Variants in PRODH2 observed in about 807,000 individuals in gnomAD.
PRODH2 encodes hydroxyproline dehydrogenase.
In PRODH2, 49 loss-of-function variants were observed where a neutral mutation model predicts 51.9. The ratio of observed to expected loss-of-function variants is 0.94; its 90% CI spans 0.75 to 1.20. The LOEUF (loss-of-function observed/expected upper bound fraction) is 1.20, where lower values mean the gene tolerates loss of function less well. PRODH2 is among the 50% of genes most tolerant of loss of function. The pLI is 0.00. For synonymous variants in PRODH2, 249 were observed against 260.7 expected (o/e 0.96, Z 0.43); for missense variants, 597 against 610.9 (o/e 0.98, Z 0.24).
chr19:35,805,032 A>G (rs1213487087), intron 7 of PRODH2, among the ~76,000 whole-genome samples: 1 of 152,182 alleles, frequency 6.6e-6, no homozygotes, highest in African/African-American at 2.4e-5. Context: ...GCAAATCCAC[A>G]GAGACAAAAA....
In PRODH2 at chr19:35,812,569, G is replaced by A. The variant is rs1972632848; in HGVS notation, c.175-13C>T. On this transcript the variant is annotated splice_polypyrimidine_tract_variant and intron_variant, in intron 1 of 9. Transcript: ENST00000653904. ...ACCAGGCCTGGAGCTGGGTGACAGG[G>A]AGCGAGGGCTCAGCGCCAGGCTATG... 5 of 1,612,234 alleles carry A rather than the reference G, an allele frequency of 3.1e-6. No homozygotes were observed. Among genetic ancestry groups the A allele is most frequent in the Non-Finnish European group, 4.2e-6 (5 of 1,178,778 alleles).
intron 4 of PRODH2, among the ~76,000 whole-genome samples, chr19:35,807,740 C>T (rs975511667): frequency 2.6e-5 from 4 of 152,102 alleles, no homozygotes; most frequent in Admixed American, 2.0e-4. Flanking sequence ...ACTTCTTTTC[C>T]TCTTCCTCAG....
At chr19:35,808,814 T>C (rs200703277) in intron 4 of PRODH2, among the ~76,000 whole-genome samples, 1 of 125,966 alleles carries the variant, frequency 7.9e-6, no homozygotes, top group South Asian at 2.4e-4. Flanking sequence ...CCTTCCTTCT[T>C]TTTTTTTTTT....
Position 35,803,050 on chromosome 19 carries a change from T to A in PRODH2, c.1030A>T (p.Thr344Ser). Residue 344 changes from threonine (T) to serine (S), a missense_variant, in exon 8 of 10, where the codon ACG becomes TCG. Coordinates refer to ENST00000653904, the MANE Select transcript of PRODH2 (RefSeq NM_021232.2). ...SYSRCLELML[T>S]HVARHGPMCH... ...ATGGGGCCATGGCGGGCCACGTGCG[T>A]CAGCATCAGTTCCAGGCAGCGGCTG... 1 of 1,562,464 alleles carries A rather than the reference T, an allele frequency of 6.4e-7. No homozygotes were observed. Among genetic ancestry groups the A allele is most frequent in the Non-Finnish European group, 8.7e-7 (1 of 1,149,794 alleles).
chr19:35,803,165 G>C, intron 7 of PRODH2, 87 bp from the exon 8 acceptor site: 1 of 837,500 alleles, frequency 1.2e-6, no homozygotes, highest in Non-Finnish European at 1.8e-6. Flanking sequence ...CTAAGCAAGG[G>C]GTCTCTGGAA....
chr19:35,806,739 AC>A lies in PRODH2; in HGVS notation c.769del (p.Val257CysfsTer21). ...ALSLLVAALA[V>X]RWNSPGEGGP... is the part of the protein sequence containing the mutation. ...GCCTTCACCCGGGCTGTTCCAGCGC[AC>A]AGCCAGGGCAGCCACCAGCAGCGAG... On this transcript the variant is annotated frameshift_variant, in exon 6 of 10. Transcript: ENST00000653904. LOFTEE classifies it high-confidence loss of function. 3.1e-6 allele frequency: 5 copies of A among 1,613,806 alleles called. No homozygotes were observed. Among genetic ancestry groups the A allele is most frequent in the Non-Finnish European group, 4.2e-6 (5 of 1,179,882 alleles).
intron 9 of PRODH2, among the ~76,000 whole-genome samples, chr19:35,800,856 C>G (rs1188306623): frequency 6.6e-6 from 1 of 152,020 alleles, no homozygotes; most frequent in Non-Finnish European, 1.5e-5. Context: ...CCACGCCCAG[C>G]TAACTGTTTT....
chr19:35,805,341 A>G (rs1445287129), intron 7 of PRODH2, among the ~76,000 whole-genome samples: 1 of 152,120 alleles, frequency 6.6e-6, no homozygotes, highest in Non-Finnish European at 1.5e-5. Flanking sequence ...ATCTTGGCTC[A>G]CTACAACCTT....
At position 35,806,689 on chromosome 19, in the gene PRODH2, G is replaced by A; in HGVS notation, c.820C>T (p.Gln274Ter). The A allele has an allele frequency of 6.2e-7, 1 of 1,614,178 alleles. No individual in the cohort carries two copies. Among genetic ancestry groups the A allele is most frequent in the Non-Finnish European group, 8.5e-7 (1 of 1,180,018 alleles). The change falls in exon 6 of 10, where the codon CAG becomes TAG. Residue 274 changes from glutamine to a stop codon, truncating the protein, a stop_gained. Transcript: ENST00000653904. LOFTEE classifies it high-confidence loss of function. ...ACACTGCACACCTTTAGACAGGCCT[G>A]GTAGGTGTTCCACACCCAGGGCCCG... ...EGGPWVWNTYQACLKDTFERL... is the reference protein window; with the variant it reads ...EGGPWVWNTY
At chr19:35,801,718 A>T (rs1388637464) in intron 9 of PRODH2, 1 of 161,096 alleles carries the variant, frequency 6.2e-6, no homozygotes, top group Non-Finnish European at 1.4e-5. Context: ...CAACCCTGCA[A>T]CCTTCCCCCA....
intron 8 of PRODH2, 86 bp from the exon 9 acceptor site, chr19:35,802,362 A>G: frequency 8.8e-7 from 1 of 1,134,346 alleles, no homozygotes. Flanking sequence ...TGGCGGCTCC[A>G]GTAATTCAAA....
Position 35,806,479 on chromosome 19 carries a change from GGA to G in PRODH2, c.950_951del (p.Leu317ProfsTer10), listed in dbSNP as rs1312809871. The part of the protein sequence containing the change: ...YLDKERAVAQ[L>X]HGMEDPTQPD... ...GGCTGAGTGGGGTCTTCCATCCCATGGAGCTGGGCCACCGCTCTCTCCTTGTC... is the reference window on the plus strand; with the variant it reads ...GGCTGAGTGGGGTCTTCCATCCCATGGCTGGGCCACCGCTCTCTCCTTGTC... On this transcript the variant is annotated frameshift_variant, in exon 7 of 10. Coordinates refer to ENST00000653904, the MANE Select transcript of PRODH2 (RefSeq NM_021232.2). LOFTEE classifies it high-confidence loss of function. 4.3e-6 allele frequency: 7 copies of G among 1,614,152 alleles called. No homozygotes were observed. Among genetic ancestry groups the G allele is most frequent in the Non-Finnish European group, 5.1e-6 (6 of 1,180,032 alleles).
intron 9 of PRODH2, 164 bp downstream of exon 9, chr19:35,802,027 C>T (rs1224817365): frequency 2.3e-5 from 15 of 650,240 alleles, no homozygotes; most frequent in South Asian, 3.8e-5. Flanking sequence ...AAATGACAGA[C>T]GGCAGACACA....
chr19:35,802,445 T>G (rs1395430341), intron 8 of PRODH2, 169 bp from the exon 9 acceptor site: 1 of 660,870 alleles, frequency 1.5e-6, no homozygotes, highest in African/African-American at 1.8e-5. Context: ...CCCCAGTGAC[T>G]CCCAGCCAGT....
intron 7 of PRODH2, among the ~76,000 whole-genome samples, chr19:35,806,060 TTTTTG>T (rs1436164550): frequency 1.4e-5 from 2 of 141,618 alleles, no homozygotes; most frequent in Non-Finnish European, 3.1e-5. Context: ...TAAGGATTTC[TTTTTG>T]TTTTGTTTTG....
intron 7 of PRODH2, among the ~76,000 whole-genome samples, chr19:35,804,324 A>ATTAC (rs1027520943): frequency 7.2e-5 from 11 of 152,158 alleles, no homozygotes; most frequent in African/African-American, 2.2e-4. Flanking sequence ...AAGTGCTGGG[A>ATTAC]TTACAGGTGT....
Position 35,803,025 on chromosome 19 carries a change from A to AT in PRODH2, c.1054dup (p.Met352AsnfsTer11). Reference sequence around the variant, plus strand: ...GTGGGAAGCCACCATGAGGTGGCACATGGGGCCATGGCGGGCCACGTGCGT... The same window carrying AT: ...GTGGGAAGCCACCATGAGGTGGCACATTGGGGCCATGGCGGGCCACGTGCGT... On this transcript the variant is annotated frameshift_variant, in exon 8 of 10. Coordinates refer to ENST00000653904, the MANE Select transcript of PRODH2 (RefSeq NM_021232.2). LOFTEE classifies it high-confidence loss of function. 1 of 1,575,960 alleles carries AT rather than the reference A, an allele frequency of 6.3e-7. No homozygotes were observed. Among genetic ancestry groups the AT allele is most frequent in the African/African-American group, 1.3e-5 (1 of 74,514 alleles).
chr19:35,802,292 C>T lies in PRODH2; in HGVS notation c.1113-16G>A. ...CTCCCACATGCTACAGAAAAGGCCACATCATCAGTCCAGACTGTGGCTGCA... is the reference window on the plus strand; with the variant it reads ...CTCCCACATGCTACAGAAAAGGCCATATCATCAGTCCAGACTGTGGCTGCA... On this transcript the variant is annotated splice_polypyrimidine_tract_variant and intron_variant, in intron 8 of 9. Coordinates refer to ENST00000653904, the MANE Select transcript of PRODH2 (RefSeq NM_021232.2). 6.2e-7 allele frequency: 1 copy of T among 1,612,834 alleles called. No homozygotes were observed. The highest frequency in any genetic ancestry group is 8.5e-7 in the Non-Finnish European group (1 of 1,178,790).
chr19:35,811,911 C>A, intron 4 of PRODH2, 51 bp downstream of exon 4: 1 of 1,562,804 alleles, frequency 6.4e-7, no homozygotes, highest in Admixed American at 1.7e-5. Flanking sequence ...GGTGTGGCCG[C>A]ATCTAAGTCC....
Sources: allele counts gnomAD v4.1 joint callset (sites outside exome capture counted in the v4.1 genomes callset), GRCh38; gene constraint gnomAD v4.1.1; transcripts MANE v1.5; gene names NCBI Gene and HGNC (gene_info 2026-07-23, HGNC 2026-07-21).